CMC1: variants seen among roughly 807,000 people sequenced by gnomAD.
CMC1 encodes C-X9-C motif containing 1.
In CMC1, 14 loss-of-function variants were observed where a neutral mutation model predicts 14.1. That is an observed-to-expected ratio of 0.99 (90% CI 0.66 to 1.55). The LOEUF (loss-of-function observed/expected upper bound fraction) is 1.55, where lower values mean the gene tolerates loss of function less well. CMC1 is among the 40% of genes most tolerant of loss of function. The pLI, the probability that CMC1 is intolerant of heterozygous loss-of-function variation, is 0.00. For missense variants in CMC1, 127 were observed against 123.8 expected (o/e 1.03, Z -0.12); for synonymous variants, 50 against 38.4 (o/e 1.30, Z -1.12).
intron 2 of CMC1, among the ~76,000 whole-genome samples, chr3:28,300,784 A>G (rs1702002742): frequency 6.7e-6 from 1 of 148,732 alleles, no homozygotes; most frequent in South Asian, 2.1e-4. Context: ...TGTAAGATGT[A>G]GAGAGTACCA....
intron 1 of CMC1, among the ~76,000 whole-genome samples, chr3:28,242,638 G>A (rs983206376): frequency 1.3e-5 from 2 of 152,218 alleles, no homozygotes; most frequent in African/African-American, 2.4e-5. Context: ...ACCATGCTAA[G>A]TGTTCTCTAT....
intron 1 of CMC1, among the ~76,000 whole-genome samples, chr3:28,246,616 G>A (rs1035727739): frequency 5.3e-5 from 8 of 152,038 alleles, no homozygotes; most frequent in African/African-American, 1.9e-4. Context: ...TATCCCATCT[G>A]GAGGTACATG....
At chr3:28,253,738 A>C in intron 1 of CMC1, 1 of 1,286,424 alleles carries the variant, frequency 7.8e-7, no homozygotes, top group Non-Finnish European at 1.0e-6. Flanking sequence ...CAGAGTAAAC[A>C]GTAGCACCAA....
intron 1 of CMC1, among the ~76,000 whole-genome samples, chr3:28,255,757 G>A (rs989937856): frequency 4.6e-5 from 5 of 109,194 alleles, no homozygotes; most frequent in Non-Finnish European, 7.9e-5. Context: ...ACACACACGC[G>A]ACAGAGATGA....
chr3:28,312,399 G>A (rs1382922568), intron 2 of CMC1, among the ~76,000 whole-genome samples: 1 of 152,140 alleles, frequency 6.6e-6, no homozygotes, highest in African/African-American at 2.4e-5. Flanking sequence ...TTTTAAAATT[G>A]TCATCTCAGT....
chr3:28,301,249 A>G (rs1029677975), intron 2 of CMC1, among the ~76,000 whole-genome samples: 2 of 152,112 alleles, frequency 1.3e-5, no homozygotes, highest in Non-Finnish European at 1.5e-5. Context: ...AGACAAGGCC[A>G]TGCTCTGTTA....
intron 1 of CMC1, among the ~76,000 whole-genome samples, chr3:28,256,801 A>G (rs890002453): frequency 6.6e-6 from 1 of 152,334 alleles, no homozygotes; most frequent in African/African-American, 2.4e-5. Context: ...CTACTTAACC[A>G]CTTTTCTAAA....
intron 2 of CMC1, chr3:28,315,863 C>T (rs1177321455): frequency 6.5e-6 from 1 of 152,960 alleles, no homozygotes; most frequent in Non-Finnish European, 1.5e-5. Context: ...GATATCTACT[C>T]AGCTGTACCA....
chr3:28,281,685 A>G (rs1398483357), intron 2 of CMC1, among the ~76,000 whole-genome samples: 13 of 152,212 alleles, frequency 8.5e-5, no homozygotes, highest in Non-Finnish European at 1.9e-4. Context: ...ATATTAAACA[A>G]TTTATAATAA....
chr3:28,324,027 T>C lies in CMC1; in HGVS notation c.*4398T>C, dbSNP rs1395683139. ...GATAAGTGTCCTCATGGTGAAATCG[T>C]GAATCTCTTCCAAATTAATTCTTAT... On this transcript the variant is annotated 3_prime_UTR_variant, in exon 4 of 4. Transcript: ENST00000466830. The C allele has an allele frequency of 1.3e-6, 2 of 1,587,244 alleles. No individual in the cohort carries two copies. Among genetic ancestry groups the C allele is most frequent in the African/African-American group, 2.7e-5 (2 of 73,854 alleles).
intron 2 of CMC1, among the ~76,000 whole-genome samples, chr3:28,283,449 G>C (rs533923411): frequency 6.6e-6 from 1 of 151,730 alleles, no homozygotes; most frequent in African/African-American, 2.4e-5. Context: ...GATGCAGGAA[G>C]TGGAGGTTGT....
At chr3:28,313,376 T>A (rs1702738285) in intron 2 of CMC1, among the ~76,000 whole-genome samples, 1 of 152,194 alleles carries the variant, frequency 6.6e-6, no homozygotes, top group African/African-American at 2.4e-5. Context: ...ATAGACTGAA[T>A]TGAATGAAAT....
chr3:28,276,387 G>A (rs1180125771), intron 2 of CMC1, among the ~76,000 whole-genome samples: 2 of 152,110 alleles, frequency 1.3e-5, no homozygotes, highest in East Asian at 1.9e-4. Flanking sequence ...GAACACAAAT[G>A]TGAAGAATTA....
Position 28,255,722 on chromosome 3 carries a change from T to TACACACACACACAC in CMC1, c.20-7550_20-7537dup, listed in dbSNP as rs372487968. Among the ~76,000 whole-genome samples the TACACACACACACAC allele has an allele frequency of 2.8e-3, 411 of 144,344 alleles. 2 individuals are homozygous for TACACACACACACAC. The highest frequency in any genetic ancestry group is 5.7e-3 in the African/African-American group (223 of 38,848). 94.7% of individuals were successfully genotyped at this position (144,344 alleles called of 152,430 possible). ...AAAAATGTATATATATACATGTACA[T>TACACACACACACAC]ACACACACACACACACACACACACA... On this transcript the variant is annotated intron_variant, in intron 1 of 3. Transcript: ENST00000466830.
At chr3:28,285,183 T>C (rs1701107195) in intron 2 of CMC1, among the ~76,000 whole-genome samples, 2 of 152,176 alleles carry the variant, frequency 1.3e-5, no homozygotes, top group South Asian at 4.1e-4. Context: ...AACCAGCATG[T>C]GTGTGTATTC....
At chr3:28,285,453 C>T (rs567308472) in intron 2 of CMC1, among the ~76,000 whole-genome samples, 10 of 151,394 alleles carry the variant, frequency 6.6e-5, no homozygotes, top group East Asian at 1.9e-4. Flanking sequence ...CATGTTCTCA[C>T]GTATAAGTGG....
intron 3 of CMC1, 136 bp downstream of exon 3, chr3:28,316,559 TC>T: frequency 2.4e-6 from 1 of 423,630 alleles, no homozygotes; most frequent in Non-Finnish European, 4.2e-6. Context: ...AGTCTAAAGT[TC>T]CAGTACAGTC....
rs190674571 is a variant in CMC1, at chr3:28,323,736, C to A, written c.*4107C>A. Reference sequence around the variant, plus strand: ...CACGTCTACAATCTCCAATTCCATTCTTCTGAGAGGCAAAATTTTACAATT... The same window carrying A: ...CACGTCTACAATCTCCAATTCCATTATTCTGAGAGGCAAAATTTTACAATT... On this transcript the variant is annotated 3_prime_UTR_variant, in exon 4 of 4. Coordinates refer to ENST00000466830, the MANE Select transcript of CMC1 (RefSeq NM_182523.2). 1.2e-3 allele frequency: 242 copies of A among 208,556 alleles called. 1 individual carries two copies. Among genetic ancestry groups the A allele is most frequent in the Non-Finnish European group, 1.1e-3 (120 of 105,786 alleles). 12.9% of individuals were successfully genotyped at this position (208,556 alleles called of 1,614,324 possible). A position where few individuals can be genotyped will look rare whatever the true frequency, so the allele number is the denominator to read the frequency against.
At chr3:28,305,024 A>T (rs992057199) in intron 2 of CMC1, among the ~76,000 whole-genome samples, 5 of 152,096 alleles carry the variant, frequency 3.3e-5, no homozygotes, top group Non-Finnish European at 5.9e-5. Context: ...CGTCTATTGA[A>T]CCGTCACCCA....
Sources: gnomAD v4.1 joint callset for allele counts (sites outside exome capture counted in the v4.1 genomes callset) on GRCh38, gnomAD v4.1.1 for gene constraint, MANE v1.5 for transcripts, NCBI Gene and HGNC (gene_info 2026-07-23, HGNC 2026-07-21) for gene names.